GOLGA4: variants seen among roughly 807,000 people sequenced by gnomAD.
GOLGA4 encodes the protein golgin A4.
Under a neutral mutation model 265.9 loss-of-function variants are expected in GOLGA4, and 169 were observed. The observed-to-expected ratio is 0.64, with a 90% CI of 0.56 to 0.72. GOLGA4 has a LOEUF of 0.72. GOLGA4 is among the 30% of genes least tolerant of loss of function. GOLGA4 has a pLI of 0.00. For synonymous variants in GOLGA4, 923 were observed against 855.8 expected (o/e 1.08, Z -1.37); for missense variants, 2,482 against 2,483.4 (o/e 1.00, Z 0.01).
chr3:37,301,981 G>C (rs1196823601), intron 9 of GOLGA4, among the ~76,000 whole-genome samples: 2 of 152,100 alleles, frequency 1.3e-5, no homozygotes, highest in African/African-American at 2.4e-5. Flanking sequence ...TAGAGACAGG[G>C]TTTCGCCATG....
rs532703862 is a variant in GOLGA4 at position 37,292,127 on chromosome 3, A to G, written c.582+2836A>G. Among the ~76,000 whole-genome samples, 14 of 152,300 alleles carry G rather than the reference A, an allele frequency of 9.2e-5. No homozygotes were observed. In the South Asian group the frequency reaches 2.9e-3, roughly 32 times the overall value. On this transcript the variant is annotated intron_variant, in intron 5 of 23. Coordinates refer to ENST00000361924, the MANE Select transcript of GOLGA4 (RefSeq NM_002078.5). ...AGATGAGGAAATGAAAACTTGCAAAATCTGAAAACTATAGTATAAATCGAG... is the reference window on the plus strand; with the variant it reads ...AGATGAGGAAATGAAAACTTGCAAAGTCTGAAAACTATAGTATAAATCGAG...
At chr3:37,342,980 A>G (rs1267087308) in intron 20 of GOLGA4, among the ~76,000 whole-genome samples, 3 of 152,008 alleles carry the variant, frequency 2.0e-5, no homozygotes, top group Non-Finnish European at 4.4e-5. Flanking sequence ...GCTCTCTGCA[A>G]CCTCCACTTC....
intron 10 of GOLGA4, among the ~76,000 whole-genome samples, chr3:37,303,907 A>G (rs1416081468): frequency 1.3e-5 from 2 of 152,218 alleles, no homozygotes; most frequent in Non-Finnish European, 2.9e-5. Flanking sequence ...AGTGTATGAA[A>G]TAATACTATT....
chr3:37,325,250 G>A lies in GOLGA4; in HGVS notation c.3364G>A (p.Val1122Met), dbSNP rs752436018. ...ACAGTTAAAGCAGAAGTCTGCCCAT[G>A]TGAATTCTCTTGCACAAGATGAAAC... ...QEQLKQKSAHVNSLAQDETKL... is the reference protein window; with the variant it reads ...QEQLKQKSAHMNSLAQDETKL... Residue 1122 changes from valine to methionine, a missense_variant, in exon 14 of 24, where the codon GTG (valine) becomes ATG (methionine). Around this residue, in one of 3 missense-constraint regions of GOLGA4, gnomAD observed 1,536 missense variants for 1,483.7 expected, o/e 1.04. Coordinates refer to ENST00000361924, the MANE Select transcript of GOLGA4 (RefSeq NM_002078.5). The A allele has an allele frequency of 5.0e-6, 8 of 1,613,090 alleles. No individual in the cohort carries two copies. Among genetic ancestry groups the A allele is most frequent in the South Asian group, 1.1e-5 (1 of 90,916 alleles).
chr3:37,288,726 C>CAT (rs2096857123), intron 4 of GOLGA4, among the ~76,000 whole-genome samples: 1 of 151,954 alleles, frequency 6.6e-6, no homozygotes. Flanking sequence ...GATCCACCTG[C>CAT]CTCGGCCTCC....
In GOLGA4 at chr3:37,327,307, A is replaced by ATT; in HGVS notation, c.5422_5423insTT (p.Tyr1808PhefsTer4). The stretch of plus-strand genomic sequence containing the variant: ...AGGAGCTTGAAGAAAAAAACAAGAA[A>ATT]TATTCCTTGATAGTAGCCCAGCATG... On this transcript the variant is annotated frameshift_variant, in exon 14 of 24. Coordinates refer to ENST00000361924, the MANE Select transcript of GOLGA4 (RefSeq NM_002078.5). LOFTEE classifies it high-confidence loss of function. The ATT allele has an allele frequency of 6.2e-7, 1 of 1,613,860 alleles. No individual in the cohort carries two copies. The highest frequency in any genetic ancestry group is 8.5e-7 in the Non-Finnish European group (1 of 1,179,854).
chr3:37,261,265 T>C (rs17036181), intron 2 of GOLGA4, among the ~76,000 whole-genome samples: 5,847 of 152,284 alleles, frequency 0.038, 143 homozygotes, highest in African/African-American at 0.056. Flanking sequence ...TGGAAGACTT[T>C]AGGACTTTCG....
chr3:37,316,825 G>T (rs189220557), intron 11 of GOLGA4, among the ~76,000 whole-genome samples: 1 of 150,720 alleles, frequency 6.6e-6, no homozygotes, highest in Admixed American at 6.6e-5. Context: ...CCTTATAGAT[G>T]GATTTATTAG....
At chr3:37,340,983 T>C (rs965665315) in intron 20 of GOLGA4, among the ~76,000 whole-genome samples, 2 of 151,842 alleles carry the variant, frequency 1.3e-5, no homozygotes, top group African/African-American at 4.8e-5. Flanking sequence ...CTGGCCAACA[T>C]GGTGAAACCC....
At chr3:37,257,341 G>T (rs757173292) in intron 2 of GOLGA4, among the ~76,000 whole-genome samples, 4 of 152,084 alleles carry the variant, frequency 2.6e-5, no homozygotes, top group Non-Finnish European at 4.4e-5. Context: ...GGAATAGACT[G>T]GTGAGGAAAG....
In GOLGA4 at chr3:37,243,509, T is replaced by G. The variant is rs778073796; in HGVS notation, c.-42T>G. ...GCCGGGACTCCCCGGGCTCTCGCCC[T>G]TCAGGTTTCGTTGACACTCAGGACC... On this transcript the variant is annotated 5_prime_UTR_variant, in exon 1 of 24. Transcript: ENST00000361924. 2 of 1,588,552 alleles carry G rather than the reference T, an allele frequency of 1.3e-6. No individual in the cohort carries two copies. Among genetic ancestry groups the G allele is most frequent in the Non-Finnish European group, 1.7e-6 (2 of 1,156,722 alleles).
intron 4 of GOLGA4, 34 bp from the exon 5 acceptor site, chr3:37,289,201 G>C: frequency 7.5e-7 from 1 of 1,324,576 alleles, no homozygotes; most frequent in Non-Finnish European, 1.1e-6. Context: ...ACAGTTAGCT[G>C]TTTAACCAGC....
intron 16 of GOLGA4, among the ~76,000 whole-genome samples, chr3:37,333,582 A>G (rs1354471596): frequency 6.6e-6 from 1 of 152,212 alleles, no homozygotes; most frequent in Non-Finnish European, 1.5e-5. Context: ...CTAAATAAGT[A>G]GCTATAGAGG....
intron 11 of GOLGA4, among the ~76,000 whole-genome samples, chr3:37,317,181 C>CT (rs1559419122): frequency 6.6e-6 from 1 of 151,476 alleles, no homozygotes; most frequent in African/African-American, 2.4e-5. Context: ...CTTTTTCTTT[C>CT]TTTTTTTGAG....
chr3:37,251,103 A>G (rs1183866256), intron 1 of GOLGA4, among the ~76,000 whole-genome samples: 1 of 152,122 alleles, frequency 6.6e-6, no homozygotes, highest in Non-Finnish European at 1.5e-5. Context: ...TAATATTATC[A>G]TCTTACACTA....
chr3:37,276,174 T>C (rs1386149426), intron 2 of GOLGA4: 1 of 1,595,254 alleles, frequency 6.3e-7, no homozygotes, highest in African/African-American at 1.3e-5. Flanking sequence ...TACATTGCAA[T>C]TGGAGCTGAT....
rs995260615 is a variant in GOLGA4 at position 37,306,511 on chromosome 3, G to C, written c.1234+4179G>C. Reference sequence around the variant, plus strand: ...GTTCTTGGCTGTTCTCTGTGTGTGTGTGTGTGTGTGTGTGTGTGTGTGTGT... The same window carrying C: ...GTTCTTGGCTGTTCTCTGTGTGTGTCTGTGTGTGTGTGTGTGTGTGTGTGT... On this transcript the variant is annotated intron_variant, in intron 10 of 23. Transcript: ENST00000361924. Among the ~76,000 whole-genome samples the C allele has an allele frequency of 2.5e-3, 373 of 150,064 alleles. 1 individual carries two copies. The highest frequency in any genetic ancestry group is 7.2e-3 in the African/African-American group (295 of 40,934).
chr3:37,321,164 CTTTAAA>C (rs1215092865), intron 12 of GOLGA4, among the ~76,000 whole-genome samples: 2 of 152,144 alleles, frequency 1.3e-5, no homozygotes, highest in Admixed American at 1.3e-4. Context: ...ACACTAAACA[CTTTAAA>C]TTGAATATTG....
At chr3:37,360,663 A>G (rs565533910) in intron 22 of GOLGA4, among the ~76,000 whole-genome samples, 2 of 152,300 alleles carry the variant, frequency 1.3e-5, no homozygotes, top group East Asian at 1.9e-4. Flanking sequence ...TGTCACAGTA[A>G]AAACTATATT....
Sources: allele counts gnomAD v4.1 joint callset (sites outside exome capture counted in the v4.1 genomes callset), GRCh38; gene constraint gnomAD v4.1.1; regional missense constraint gnomAD v4.1.1; transcripts MANE v1.5; gene names NCBI Gene and HGNC (gene_info 2026-07-23, HGNC 2026-07-21).